Variants in CLASP2 observed in about 807,000 individuals in gnomAD.
CLASP2 encodes the protein cytoplasmic linker associated protein 2, also known as CLIP-associating protein 2.
A neutral mutation model predicts 194.4 loss-of-function variants in CLASP2; 47 were observed. The observed-to-expected ratio is 0.24, with a 90% confidence interval of 0.19 to 0.31. The LOEUF is 0.31. Among genes scored for constraint, CLASP2 ranks in the 10% least tolerant of loss-of-function variants. CLASP2 has a pLI of 1.00. For missense variants in CLASP2, 1,445 were observed against 1,823.6 expected (o/e 0.79, Z 3.78); for synonymous variants, 619 against 633.5 (o/e 0.98, Z 0.34).
intron 21 of CLASP2, among the ~76,000 whole-genome samples, chr3:33,587,427 C>A (rs1560173215): frequency 6.6e-6 from 1 of 152,076 alleles, no homozygotes; most frequent in East Asian, 1.9e-4. Context: ...CCCGGCCGAT[C>A]TGTGATTCTT....
chr3:33,562,593 A>C (rs547263919), intron 27 of CLASP2, among the ~76,000 whole-genome samples: 1 of 152,174 alleles, frequency 6.6e-6, no homozygotes, highest in Non-Finnish European at 1.5e-5. Context: ...ATGGGCAAAC[A>C]CTACATATCA....
At chr3:33,630,723 G>C (rs1361207710) in intron 9 of CLASP2, among the ~76,000 whole-genome samples, 1 of 152,180 alleles carries the variant, frequency 6.6e-6, no homozygotes, top group Non-Finnish European at 1.5e-5. Context: ...GAGAGGGCCA[G>C]CTGGAAGAAA....
chr3:33,637,523 G>A (rs1446040864), intron 8 of CLASP2, among the ~76,000 whole-genome samples: 1 of 152,232 alleles, frequency 6.6e-6, no homozygotes, highest in East Asian at 1.9e-4. Flanking sequence ...AAGAGAGCAA[G>A]ACTCCGTATC....
intron 26 of CLASP2, 141 bp from the exon 27 acceptor site, chr3:33,566,875 C>T (rs544257440): frequency 8.1e-5 from 24 of 294,970 alleles, no homozygotes; most frequent in South Asian, 3.9e-4. Flanking sequence ...AAATGTTTTT[C>T]GAAGTTTTAT....
intron 21 of CLASP2, among the ~76,000 whole-genome samples, chr3:33,585,307 T>C (rs773767175): frequency 6.6e-6 from 1 of 152,228 alleles, no homozygotes; most frequent in Non-Finnish European, 1.5e-5. Context: ...TACAGTCATA[T>C]GTCACTTAAC....
At chr3:33,634,478 A>G (rs1475456034) in intron 8 of CLASP2, among the ~76,000 whole-genome samples, 3 of 152,184 alleles carry the variant, frequency 2.0e-5, no homozygotes, top group Non-Finnish European at 4.4e-5. Context: ...TATTTACAAA[A>G]CCAGATAGCC....
intron 6 of CLASP2, among the ~76,000 whole-genome samples, chr3:33,664,572 A>C (rs1053845934): frequency 1.3e-5 from 2 of 152,192 alleles, no homozygotes; most frequent in Admixed American, 1.3e-4. Flanking sequence ...TTTTAGTTGA[A>C]ATCTCCTAGG....
intron 9 of CLASP2, among the ~76,000 whole-genome samples, chr3:33,631,587 C>T (rs975496835): frequency 1.3e-5 from 2 of 151,804 alleles, no homozygotes; most frequent in African/African-American, 2.4e-5. Context: ...ATCTCAGCTA[C>T]TGAGGAGGCT....
At chr3:33,714,823 T>C (rs1258774660) in intron 1 of CLASP2, among the ~76,000 whole-genome samples, 2 of 152,078 alleles carry the variant, frequency 1.3e-5, no homozygotes, top group African/African-American at 4.8e-5. Context: ...GAGCCTTCTG[T>C]CTCAGCCTCC....
chr3:33,528,334 A>T (rs1033496833), intron 34 of CLASP2, among the ~76,000 whole-genome samples: 1 of 152,252 alleles, frequency 6.6e-6, no homozygotes, highest in Non-Finnish European at 1.5e-5. Flanking sequence ...AGCAGCCAAC[A>T]TTATTCAAAA....
chr3:33,582,556 T>A (rs969431799), intron 22 of CLASP2, among the ~76,000 whole-genome samples: 16 of 151,988 alleles, frequency 1.1e-4, no homozygotes, highest in African/African-American at 3.9e-4. Flanking sequence ...CTACTTAAGA[T>A]GATGAGGCAG....
intron 37 of CLASP2, among the ~76,000 whole-genome samples, chr3:33,506,185 C>T (rs986072326): frequency 1.3e-5 from 2 of 151,516 alleles, no homozygotes; most frequent in Admixed American, 1.3e-4. Context: ...CCAGCCTGGC[C>T]AAGATGGTGA....
intron 7 of CLASP2, chr3:33,658,847 C>T: frequency 1.2e-6 from 1 of 810,124 alleles, no homozygotes; most frequent in Non-Finnish European, 2.0e-6. Flanking sequence ...CAAGTGTACA[C>T]ACATGCATAA....
intron 35 of CLASP2, 37 bp downstream of exon 35, chr3:33,516,944 G>A (rs1201411358): frequency 5.8e-6 from 9 of 1,539,858 alleles, no homozygotes; most frequent in Non-Finnish European, 8.0e-6. Flanking sequence ...AAAGAGACAG[G>A]AAGGAAAGGC....
intron 3 of CLASP2, among the ~76,000 whole-genome samples, chr3:33,689,177 A>C (rs1332630378): frequency 7.0e-6 from 1 of 143,560 alleles, no homozygotes; most frequent in Non-Finnish European, 1.5e-5. Flanking sequence ...AAGAAATTAC[A>C]AAAAAAAAAA....
chr3:33,671,873 G>T (rs974954029), intron 6 of CLASP2, among the ~76,000 whole-genome samples: 2 of 152,074 alleles, frequency 1.3e-5, no homozygotes, highest in Non-Finnish European at 2.9e-5. Flanking sequence ...ACTGCAAGGC[G>T]GCAGCGAGGC....
intron 17 of CLASP2, 126 bp downstream of exon 17, chr3:33,604,028 T>C: frequency 4.4e-6 from 3 of 681,646 alleles, no homozygotes; most frequent in Non-Finnish European, 7.7e-6. Context: ...ACAGGTACAG[T>C]GCATATGTGT....
At chr3:33,685,954 G>A (rs552756158) in intron 5 of CLASP2, among the ~76,000 whole-genome samples, 3 of 151,972 alleles carry the variant, frequency 2.0e-5, no homozygotes, top group East Asian at 1.9e-4. Flanking sequence ...GTGAATGTAC[G>A]TAATGCCACT....
At chr3:33,671,241 C>G (rs1415652747) in intron 6 of CLASP2, among the ~76,000 whole-genome samples, 5 of 152,134 alleles carry the variant, frequency 3.3e-5, no homozygotes. Flanking sequence ...CACAGGACTA[C>G]AGAACACTTC....
Sources: gnomAD v4.1 joint callset for allele counts (sites outside exome capture counted in the v4.1 genomes callset) on GRCh38, gnomAD v4.1.1 for gene constraint, MANE v1.5 for transcripts, NCBI Gene and HGNC (gene_info 2026-07-23, HGNC 2026-07-21) for gene names.